Variants in FOXP1 observed in about 807,000 individuals in gnomAD.
The protein encoded by FOXP1 is forkhead box protein P1.
In FOXP1, 15 loss-of-function variants were observed where a neutral mutation model predicts 98.2. The ratio of observed to expected loss-of-function variants is 0.15; its 90% CI spans 0.10 to 0.24. FOXP1 has a LOEUF of 0.24. FOXP1 is among the 10% of genes least tolerant of loss of function. FOXP1 has a pLI of 1.00. For synonymous variants in FOXP1, 371 were observed against 314.5 expected, an observed-to-expected ratio of 1.18 and a Z score of -1.90; for missense variants, 633 against 848.5, an observed-to-expected ratio of 0.75 and a Z score of 3.15.
intron 4 of FOXP1, among the ~76,000 whole-genome samples, chr3:71,306,477 T>C (rs1457977202): frequency 2.0e-5 from 3 of 152,096 alleles, no homozygotes; most frequent in African/African-American, 7.2e-5. Flanking sequence ...CTTTGTCACA[T>C]TGTAAGTTGA....
At chr3:71,324,508 T>G (rs1400428981) in intron 4 of FOXP1, among the ~76,000 whole-genome samples, 1 of 151,818 alleles carries the variant, frequency 6.6e-6, no homozygotes, top group East Asian at 1.9e-4. Flanking sequence ...GAACAAATTA[T>G]CGCAAGGACA....
At chr3:71,265,890 C>T (rs1002841369) in intron 5 of FOXP1, among the ~76,000 whole-genome samples, 2 of 152,152 alleles carry the variant, frequency 1.3e-5, no homozygotes, top group African/African-American at 4.8e-5. Flanking sequence ...GGCAGGAGCT[C>T]ATTTCACACC....
At chr3:71,476,593 C>A (rs1285031245) in intron 3 of FOXP1, among the ~76,000 whole-genome samples, 2 of 151,830 alleles carry the variant, frequency 1.3e-5, no homozygotes, top group Admixed American at 1.3e-4. Context: ...CAGGTTCAAG[C>A]GATTCTCCGG....
intron 3 of FOXP1, among the ~76,000 whole-genome samples, chr3:71,476,296 G>T (rs919946961): frequency 2.6e-5 from 4 of 151,386 alleles, no homozygotes; most frequent in Non-Finnish European, 5.9e-5. Flanking sequence ...AATTCATCAA[G>T]TTCTTTTTTT....
In FOXP1 at chr3:71,564,910, T is replaced by A. The variant is rs180690693; in HGVS notation, c.-298+16639A>T. Among the ~76,000 whole-genome samples the A allele has an allele frequency of 7.6e-4, 114 of 150,368 alleles. 1 individual carries two copies. The highest frequency in any genetic ancestry group is 1.5e-3 in the Non-Finnish European group (103 of 67,488). On this transcript the variant is annotated intron_variant, in intron 2 of 20. Transcript: ENST00000649528. The stretch of plus-strand genomic sequence containing the variant: ...TGGGTGGATCACCTGAGGTCAGGAG[T>A]TCAAGACCAGCCAGGCCAACATGCT...
intron 4 of FOXP1, among the ~76,000 whole-genome samples, chr3:71,337,193 T>C (rs933486364): frequency 6.6e-6 from 1 of 152,194 alleles, no homozygotes; most frequent in African/African-American, 2.4e-5. Context: ...AGGAGAAACT[T>C]CAAGGTGGCT....
intron 2 of FOXP1, among the ~76,000 whole-genome samples, chr3:71,504,622 T>C (rs535803304): frequency 3.4e-4 from 52 of 152,212 alleles, no homozygotes; most frequent in African/African-American, 1.2e-3. Flanking sequence ...CAGTTCCTTC[T>C]GACAAAGGAA....
At chr3:71,276,899 T>C (rs1313020442) in intron 5 of FOXP1, among the ~76,000 whole-genome samples, 1 of 151,754 alleles carries the variant, frequency 6.6e-6, no homozygotes, top group Non-Finnish European at 1.5e-5. Flanking sequence ...ATCTCTCCGT[T>C]CCCCCTACAC....
At chr3:71,512,208 C>T (rs2042250023) in intron 2 of FOXP1, among the ~76,000 whole-genome samples, 2 of 152,110 alleles carry the variant, frequency 1.3e-5, no homozygotes, top group Admixed American at 1.3e-4. Flanking sequence ...TATATTGCCT[C>T]CCAGTGGTGC....
intron 5 of FOXP1, among the ~76,000 whole-genome samples, chr3:71,228,816 T>C (rs2066045938): frequency 1.3e-5 from 2 of 152,146 alleles, no homozygotes; most frequent in Admixed American, 6.5e-5. Flanking sequence ...AGAAAAATAA[T>C]ATTCTTTATG....
chr3:71,043,373 G>T (rs553970704), intron 10 of FOXP1, among the ~76,000 whole-genome samples: 1 of 152,224 alleles, frequency 6.6e-6, no homozygotes, highest in East Asian at 1.9e-4. Context: ...TTAAACAAAG[G>T]GGAAAGGTCA....
chr3:70,959,175 G>C lies in FOXP1; in HGVS notation c.*72C>G, dbSNP rs1415128407. On this transcript the variant is annotated 3_prime_UTR_variant, in exon 21 of 21. Coordinates refer to ENST00000649528, the MANE Select transcript of FOXP1 (RefSeq NM_001349338.3). ...ACAACAAATGGAGAACAATTTCACT[G>C]CTAACTTTTGACGTGTTTTTTTTTT... 1.9e-6 allele frequency: 3 copies of C among 1,549,034 alleles called. No homozygotes were observed. The highest frequency in any genetic ancestry group is 2.7e-6 in the Non-Finnish European group (3 of 1,125,880).
rs566983143 is a variant in FOXP1 at position 71,245,829 on chromosome 3, C to T, written c.-11-47437G>A. 4.4e-4 allele frequency among the ~76,000 whole-genome samples: 64 copies of T among 144,256 alleles called. 2 individuals carry two copies. The South Asian group carries it at 0.015, about 33-fold the overall frequency. The allele number at this position is 144,256 out of a possible 152,430, so 94.6% of individuals were successfully genotyped here. A position where few individuals can be genotyped will look rare whatever the true frequency, so the allele number is the denominator to read the frequency against. Reference sequence around the variant, plus strand: ...CCCCCACCCACAAATAAACAAAAAGCATAAAATACTGTTGTCAAATCATCC... The same window carrying T: ...CCCCCACCCACAAATAAACAAAAAGTATAAAATACTGTTGTCAAATCATCC... On this transcript the variant is annotated intron_variant, in intron 5 of 20. Coordinates refer to ENST00000649528, the MANE Select transcript of FOXP1 (RefSeq NM_001349338.3).
At chr3:71,282,085 G>A (rs1230674511) in intron 5 of FOXP1, among the ~76,000 whole-genome samples, 5 of 151,784 alleles carry the variant, frequency 3.3e-5, no homozygotes, top group Non-Finnish European at 1.5e-5. Context: ...CTCCAGCCTC[G>A]GTGACAGAGT....
chr3:71,419,188 T>C (rs1212702822), intron 3 of FOXP1, among the ~76,000 whole-genome samples: 3 of 130,342 alleles, frequency 2.3e-5, no homozygotes, highest in African/African-American at 6.0e-5. Context: ...TGAGCTGTGA[T>C]TGCACTACTG....
chr3:71,034,555 A>G (rs1011489579), intron 11 of FOXP1, among the ~76,000 whole-genome samples: 7 of 152,106 alleles, frequency 4.6e-5, no homozygotes, highest in Non-Finnish European at 8.8e-5. Context: ...AATAAAAAAT[A>G]AAAAAAATTA....
At chr3:71,207,526 T>C (rs2064138126) in intron 5 of FOXP1, among the ~76,000 whole-genome samples, 1 of 152,204 alleles carries the variant, frequency 6.6e-6, no homozygotes, top group Non-Finnish European at 1.5e-5. Flanking sequence ...TATACATATA[T>C]GTATTTTCCC....
At chr3:71,244,886 A>G (rs1269922793) in intron 5 of FOXP1, 1 of 152,070 alleles carries the variant, frequency 6.6e-6, no homozygotes, top group African/African-American at 2.4e-5. Flanking sequence ...TCCAGGAAAC[A>G]TAACTCATGA....
intron 3 of FOXP1, among the ~76,000 whole-genome samples, chr3:71,421,334 C>G (rs2083629813): frequency 6.6e-6 from 1 of 152,138 alleles, no homozygotes; most frequent in Admixed American, 6.5e-5. Flanking sequence ...CGATGTCATC[C>G]TCTACCCTCA....
Sources: allele counts gnomAD v4.1 joint callset (sites outside exome capture counted in the v4.1 genomes callset), GRCh38; gene constraint gnomAD v4.1.1; transcripts MANE v1.5; gene names NCBI Gene and HGNC (gene_info 2026-07-23, HGNC 2026-07-21).